The following EXOC6B variants were observed in gnomAD, a reference collection of about 807,000 sequenced individuals.
The protein encoded by EXOC6B is SEC15 homolog B.
Under a neutral mutation model 113.5 loss-of-function variants are expected in EXOC6B, and 54 were observed. The ratio of observed to expected loss-of-function variants is 0.48; its 90% CI spans 0.38 to 0.60. The LOEUF (loss-of-function observed/expected upper bound fraction) is 0.60, where lower values mean the gene tolerates loss of function less well. EXOC6B is among the 20% of genes least tolerant of loss of function. The probability of loss-of-function intolerance (pLI) is 0.00; values close to 1 mark genes in which losing one functional copy is unlikely to be tolerated. For missense variants in EXOC6B, 797 were observed against 977.5 expected (o/e 0.82, Z 2.46); for synonymous variants, 357 against 339.0 (o/e 1.05, Z -0.58).
chr2:72,182,357 C>T (rs921257896), intron 21 of EXOC6B, among the ~76,000 whole-genome samples: 1 of 152,094 alleles, frequency 6.6e-6, no homozygotes, highest in African/African-American at 2.4e-5. Flanking sequence ...TGAAGGGAAT[C>T]CCAGAGCCCA....
At chr2:72,605,800 A>T (rs1670717296) in intron 6 of EXOC6B, among the ~76,000 whole-genome samples, 1 of 152,208 alleles carries the variant, frequency 6.6e-6, no homozygotes, top group African/African-American at 2.4e-5. Flanking sequence ...ATATGAAAAG[A>T]CACGTAAAGA....
intron 20 of EXOC6B, among the ~76,000 whole-genome samples, chr2:72,301,940 G>T (rs907996919): frequency 6.6e-6 from 1 of 152,020 alleles, no homozygotes; most frequent in Non-Finnish European, 1.5e-5. Flanking sequence ...TAGGTGGTTA[G>T]TTGAGATCTT....
intron 20 of EXOC6B, among the ~76,000 whole-genome samples, chr2:72,209,223 C>CAAAAAAAAAAAAA (rs1170760516): frequency 1.8e-5 from 1 of 57,096 alleles, no homozygotes; most frequent in Non-Finnish European, 3.3e-5. Context: ...AACTCAGTCT[C>CAAAAAAAAAAAAA]AAAAAAAAAA....
intron 8 of EXOC6B, among the ~76,000 whole-genome samples, chr2:72,558,476 G>A (rs4852878): frequency 0.85 from 129,529 of 152,212 alleles, 55,653 homozygotes; most frequent in East Asian, 0.99. Flanking sequence ...TGTTAAATAT[G>A]TGAACAAAGA....
At chr2:72,528,384 T>C (rs1701837613) in intron 8 of EXOC6B, among the ~76,000 whole-genome samples, 1 of 152,116 alleles carries the variant, frequency 6.6e-6, no homozygotes, top group Non-Finnish European at 1.5e-5. Flanking sequence ...CTCTATTCTG[T>C]CCCACTCATC....
rs1354062210 is a variant in EXOC6B at position 72,825,167 on chromosome 2, G to T, written c.113+631C>A. Among the ~76,000 whole-genome samples, 3 of 152,078 alleles carry T rather than the reference G, an allele frequency of 2.0e-5. No homozygotes were observed. Among genetic ancestry groups the T allele is most frequent in the Admixed American group, 1.3e-4 (2 of 15,262 alleles). On this transcript the variant is annotated intron_variant, in intron 1 of 21. Coordinates refer to ENST00000272427, the MANE Select transcript of EXOC6B (RefSeq NM_015189.3). The surrounding 1 kb of genome is among the most constrained non-coding windows in gnomAD (Gnocchi z 4.4). ...GTGCGTGCAAAAAAAAATGATAACT[G>T]GGGGGCGGCAGCAGGGTCAGTTTTC...
At chr2:72,641,503 C>G (rs1298845662) in intron 6 of EXOC6B, among the ~76,000 whole-genome samples, 2 of 152,250 alleles carry the variant, frequency 1.3e-5, no homozygotes, top group Non-Finnish European at 2.9e-5. Context: ...AGCAACCTGG[C>G]AACGGGAGGG....
At chr2:72,817,960 T>C (rs1032837616) in intron 1 of EXOC6B, among the ~76,000 whole-genome samples, 1 of 151,888 alleles carries the variant, frequency 6.6e-6, no homozygotes, top group Non-Finnish European at 1.5e-5. Context: ...CATTCCTTGT[T>C]TGTTTGTTGT....
At chr2:72,446,042 T>G (rs1023010030) in intron 18 of EXOC6B, among the ~76,000 whole-genome samples, 3 of 152,192 alleles carry the variant, frequency 2.0e-5, no homozygotes, top group African/African-American at 7.2e-5. Context: ...TACACTGTTT[T>G]GGGGAGTGTA....
intron 19 of EXOC6B, among the ~76,000 whole-genome samples, chr2:72,371,916 T>A (rs1691047790): frequency 1.3e-5 from 2 of 152,078 alleles, no homozygotes; most frequent in South Asian, 4.1e-4. Flanking sequence ...GATATTATAT[T>A]TAGAAAAACC....
chr2:72,444,339 C>G (rs534967129), intron 18 of EXOC6B, among the ~76,000 whole-genome samples: 1 of 152,320 alleles, frequency 6.6e-6, no homozygotes, highest in Admixed American at 6.5e-5. Context: ...GCTGCTCTCA[C>G]GGGCTGATAT....
At chr2:72,498,937 A>G (rs1414831382) in intron 12 of EXOC6B, among the ~76,000 whole-genome samples, 1 of 152,170 alleles carries the variant, frequency 6.6e-6, no homozygotes, top group Non-Finnish European at 1.5e-5. Flanking sequence ...ATTCTATTAG[A>G]TATAATATGT....
At chr2:72,611,461 G>A (rs757022283) in intron 6 of EXOC6B, among the ~76,000 whole-genome samples, 1 of 152,122 alleles carries the variant, frequency 6.6e-6, no homozygotes. Flanking sequence ...ACTAAATAAT[G>A]TGCTACCCTG....
intron 18 of EXOC6B, among the ~76,000 whole-genome samples, chr2:72,459,924 C>CT (rs1697513677): frequency 6.6e-6 from 1 of 152,116 alleles, no homozygotes; most frequent in Admixed American, 6.5e-5. Flanking sequence ...AAGAACAAAG[C>CT]TGGAGGCATC....
At chr2:72,621,293 G>A (rs1671728577) in intron 6 of EXOC6B, among the ~76,000 whole-genome samples, 1 of 151,966 alleles carries the variant, frequency 6.6e-6, no homozygotes, top group African/African-American at 2.4e-5. Flanking sequence ...AGAAAATGTG[G>A]TATATATATA....
At chr2:72,480,404 T>C (rs1406226287) in intron 17 of EXOC6B, among the ~76,000 whole-genome samples, 1 of 152,202 alleles carries the variant, frequency 6.6e-6, no homozygotes, top group Non-Finnish European at 1.5e-5. Flanking sequence ...GTTGTAGTTG[T>C]TTCATTTTGT....
intron 6 of EXOC6B, among the ~76,000 whole-genome samples, chr2:72,709,196 T>A (rs1184015235): frequency 2.6e-5 from 4 of 152,174 alleles, no homozygotes; most frequent in Non-Finnish European, 4.4e-5. Flanking sequence ...CTGAACATTT[T>A]GAATATTTCT....
chr2:72,465,010 A>G (rs1697949651), intron 18 of EXOC6B, 150 bp downstream of exon 18: 2 of 653,890 alleles, frequency 3.1e-6, no homozygotes, highest in Admixed American at 5.9e-5. Flanking sequence ...TAGCCTCTAC[A>G]TATCATTAAA....
intron 18 of EXOC6B, among the ~76,000 whole-genome samples, chr2:72,404,883 G>C: frequency 6.6e-6 from 1 of 152,310 alleles, no homozygotes; most frequent in East Asian, 1.9e-4. Context: ...GTTGAGAGAA[G>C]AAGGCTTCAG....
Sources: allele counts gnomAD v4.1 joint callset (sites outside exome capture counted in the v4.1 genomes callset), GRCh38; gene constraint gnomAD v4.1.1; non-coding constraint Gnocchi (gnomAD v3.1); transcripts MANE v1.5; gene names NCBI Gene and HGNC (gene_info 2026-07-23, HGNC 2026-07-21).